The following KCNH7 variants were observed in gnomAD, a reference collection of about 807,000 sequenced individuals.
KCNH7 encodes potassium voltage-gated channel subfamily H member 7, also known as voltage-gated inwardly rectifying potassium channel KCNH7.
Under a neutral mutation model 120.8 loss-of-function variants are expected in KCNH7, and 49 were observed. That is an observed-to-expected ratio of 0.41 (90% CI 0.32 to 0.51). KCNH7 has a LOEUF of 0.51. Among genes scored for constraint, KCNH7 ranks in the 20% least tolerant of loss-of-function variants. KCNH7 has a pLI of 0.38. For synonymous variants in KCNH7, 547 were observed against 516.1 expected (o/e 1.06, Z -0.81); for missense variants, 1,097 against 1,446.6 (o/e 0.76, Z 3.92).
intron 2 of KCNH7, among the ~76,000 whole-genome samples, chr2:162,538,613 T>C (rs1373387595): frequency 6.6e-6 from 1 of 151,994 alleles, no homozygotes; most frequent in Non-Finnish European, 1.5e-5. Flanking sequence ...CTATGTAAGC[T>C]CTAATAAAGT....
intron 2 of KCNH7, among the ~76,000 whole-genome samples, chr2:162,619,408 C>T (rs537555787): frequency 7.3e-5 from 11 of 151,674 alleles, no homozygotes; most frequent in Non-Finnish European, 1.6e-4. Flanking sequence ...TATAATTCTC[C>T]CCAAGTATGG....
chr2:162,618,249 A>G (rs999222428), intron 2 of KCNH7, among the ~76,000 whole-genome samples: 5 of 152,124 alleles, frequency 3.3e-5, no homozygotes, highest in South Asian at 2.1e-4. Context: ...CTTCTTATTT[A>G]GTCTCAGGCC....
chr2:162,396,696 T>C, intron 11 of KCNH7, 44 bp downstream of exon 11: 1 of 1,392,248 alleles, frequency 7.2e-7, no homozygotes, highest in Non-Finnish European at 1.0e-6. Context: ...AAGAATAAAA[T>C]AAAATGTCAG....
At chr2:162,420,514 C>T (rs1389559901) in intron 9 of KCNH7, among the ~76,000 whole-genome samples, 1 of 152,166 alleles carries the variant, frequency 6.6e-6, no homozygotes, top group East Asian at 1.9e-4. Flanking sequence ...TACTTGTTCC[C>T]ACAGTGCTTT....
Position 162,504,675 on chromosome 2 carries a change from A to T in KCNH7, c.914-18T>A. 1.3e-6 allele frequency: 2 copies of T among 1,493,158 alleles called. No individual in the cohort carries two copies. Among genetic ancestry groups the T allele is most frequent in the Non-Finnish European group, 1.9e-6 (2 of 1,072,006 alleles). 92.5% of individuals were successfully genotyped at this position (1,493,158 alleles called of 1,614,324 possible). A position where few individuals can be genotyped will look rare whatever the true frequency, so the allele number is the denominator to read the frequency against. On this transcript the variant is annotated intron_variant, in intron 5 of 15. Coordinates refer to ENST00000332142, the MANE Select transcript of KCNH7 (RefSeq NM_033272.4). Reference sequence around the variant, plus strand: ...AAAAGGCCCTAAAAAAATGGAAAGTATTTGTAAGAGTAATATAAGAAGATA... The same window carrying T: ...AAAAGGCCCTAAAAAAATGGAAAGTTTTTGTAAGAGTAATATAAGAAGATA...
At position 162,421,293 on chromosome 2, in the gene KCNH7, T is replaced by C. The variant is rs1687701490; in HGVS notation, c.2154+2043A>G. Reference sequence around the variant, plus strand: ...ATGAAAGAGAATGACATTTTATTTATGACAATTGTCTAATGCAAACCGTAT... The same window carrying C: ...ATGAAAGAGAATGACATTTTATTTACGACAATTGTCTAATGCAAACCGTAT... On this transcript the variant is annotated intron_variant, in intron 9 of 15. Coordinates refer to ENST00000332142, the MANE Select transcript of KCNH7 (RefSeq NM_033272.4). Among the ~76,000 whole-genome samples, 5 of 152,326 alleles carry C rather than the reference T, an allele frequency of 3.3e-5. No homozygotes were observed. The South Asian group carries it at 1.0e-3, about 32-fold the overall frequency.
At chr2:162,648,876 A>T (rs1401484227) in intron 2 of KCNH7, among the ~76,000 whole-genome samples, 2 of 152,120 alleles carry the variant, frequency 1.3e-5, no homozygotes, top group African/African-American at 4.8e-5. Flanking sequence ...AGGTGGGGGA[A>T]GATACTTCTC....
At chr2:162,718,616 C>G (rs1687218376) in intron 2 of KCNH7, among the ~76,000 whole-genome samples, 1 of 151,824 alleles carries the variant, frequency 6.6e-6, no homozygotes, top group Admixed American at 6.6e-5. Flanking sequence ...GAAGAACTTT[C>G]AAAATTGGGT....
At chr2:162,400,762 T>A (rs1459773892) in intron 9 of KCNH7, among the ~76,000 whole-genome samples, 1 of 151,944 alleles carries the variant, frequency 6.6e-6, no homozygotes, top group Non-Finnish European at 1.5e-5. Flanking sequence ...TGCACAGATA[T>A]AATGCAATGT....
At chr2:162,468,582 G>GTGA (rs1224342138) in intron 6 of KCNH7, among the ~76,000 whole-genome samples, 1 of 127,694 alleles carries the variant, frequency 7.8e-6, no homozygotes, top group Non-Finnish European at 1.6e-5. Flanking sequence ...GTGCAGTGGT[G>GTGA]TGATCTCAGC....
intron 2 of KCNH7, among the ~76,000 whole-genome samples, chr2:162,638,129 AG>A (rs1261663955): frequency 3.3e-5 from 5 of 152,006 alleles, no homozygotes; most frequent in African/African-American, 1.2e-4. Context: ...CGTGATCTGG[AG>A]GTACTCCTTG....
At chr2:162,670,479 A>AG (rs1263020864) in intron 2 of KCNH7, among the ~76,000 whole-genome samples, 1 of 150,792 alleles carries the variant, frequency 6.6e-6, no homozygotes, top group African/African-American at 2.5e-5. Flanking sequence ...TCAAAAAAAA[A>AG]AAAAAAAAAA....
At chr2:162,564,329 G>T (rs555505015) in intron 2 of KCNH7, among the ~76,000 whole-genome samples, 1 of 152,202 alleles carries the variant, frequency 6.6e-6, no homozygotes, top group East Asian at 1.9e-4. Flanking sequence ...AAGAAACCAG[G>T]CAGAGATTTC....
intron 2 of KCNH7, among the ~76,000 whole-genome samples, chr2:162,571,322 G>A (rs1268878022): frequency 6.6e-6 from 1 of 152,002 alleles, no homozygotes; most frequent in Admixed American, 6.6e-5. Flanking sequence ...TAAATACCTG[G>A]GAATCCAACT....
chr2:162,714,414 G>A (rs1687037954), intron 2 of KCNH7, among the ~76,000 whole-genome samples: 1 of 152,106 alleles, frequency 6.6e-6, no homozygotes, highest in Non-Finnish European at 1.5e-5. Flanking sequence ...AGGAAAATAA[G>A]GTATGTATTA....
intron 2 of KCNH7, among the ~76,000 whole-genome samples, chr2:162,647,461 C>T (rs1295338678): frequency 6.6e-6 from 1 of 152,018 alleles, no homozygotes; most frequent in East Asian, 1.9e-4. Context: ...TGTTTATATC[C>T]TAATATGGTT....
At chr2:162,440,548 C>T (rs897121497) in intron 7 of KCNH7, among the ~76,000 whole-genome samples, 1 of 152,020 alleles carries the variant, frequency 6.6e-6, no homozygotes, top group Non-Finnish European at 1.5e-5. Context: ...AGCTTAACCA[C>T]ATCATTGCAA....
chr2:162,651,378 A>G (rs1024151843), intron 2 of KCNH7, among the ~76,000 whole-genome samples: 4 of 150,088 alleles, frequency 2.7e-5, no homozygotes, highest in Non-Finnish European at 3.0e-5. Flanking sequence ...CCCCACCCCC[A>G]AGTAGGCCTC....
At chr2:162,837,855 C>T (rs1487395067) in intron 1 of KCNH7, among the ~76,000 whole-genome samples, 1 of 151,996 alleles carries the variant, frequency 6.6e-6, no homozygotes, top group Non-Finnish European at 1.5e-5. Context: ...AATAATGAGC[C>T]ATTTGCATCG....
Sources: gnomAD v4.1 joint callset for allele counts (sites outside exome capture counted in the v4.1 genomes callset) on GRCh38, gnomAD v4.1.1 for gene constraint, MANE v1.5 for transcripts, NCBI Gene and HGNC (gene_info 2026-07-23, HGNC 2026-07-21) for gene names.